Variants in MAP4K3 observed in about 807,000 individuals in gnomAD.
MAP4K3 encodes MAPK/ERK kinase kinase kinase 3.
MAP4K3 carries 94 observed loss-of-function variants against 143.5 expected under a neutral mutation model. That is an observed-to-expected ratio of 0.65 (90% CI 0.55 to 0.78). The LOEUF is 0.78. Among genes scored for constraint, MAP4K3 ranks in the 30% least tolerant of loss-of-function variants. The probability of loss-of-function intolerance (pLI) is 0.00; values close to 1 mark genes in which losing one functional copy is unlikely to be tolerated. For synonymous variants in MAP4K3, 416 were observed against 347.2 expected, an observed-to-expected ratio of 1.20 and a Z score of -2.20; for missense variants, 1,077 against 1,068.1, an observed-to-expected ratio of 1.01 and a Z score of -0.12.
chr2:39,255,641 T>C (rs1027629710), intron 31 of MAP4K3, among the ~76,000 whole-genome samples: 23 of 152,214 alleles, frequency 1.5e-4, no homozygotes, highest in Non-Finnish European at 2.8e-4. Flanking sequence ...TTGTCAACAT[T>C]TATTTTCTTA....
At position 39,415,980 on chromosome 2, in the gene MAP4K3, A is replaced by AATATATATATAT. The variant is rs1553318574; in HGVS notation, c.96+20900_96+20911dup. 8.1e-3 allele frequency among the ~76,000 whole-genome samples: 120 copies of AATATATATATAT among 14,736 alleles called. 2 individuals carry two copies. Among genetic ancestry groups the AATATATATATAT allele is most frequent in the East Asian group, 0.026 (10 of 392 alleles). The allele number at this position is 14,736 out of a possible 152,430, so 9.7% of individuals were successfully genotyped here. On this transcript the variant is annotated intron_variant, in intron 1 of 33. Coordinates refer to ENST00000263881, the MANE Select transcript of MAP4K3 (RefSeq NM_003618.4). ...AAAAAAAAAAAAAAAAAAAAAAAAAAATATATATATATATATATATATATA... is the reference window on the plus strand; with the variant it reads ...AAAAAAAAAAAAAAAAAAAAAAAAAAATATATATATATATATATATATATATATATATATATA...
chr2:39,414,535 T>C (rs534025592), intron 1 of MAP4K3, among the ~76,000 whole-genome samples: 8 of 152,286 alleles, frequency 5.3e-5, no homozygotes, highest in African/African-American at 1.7e-4. Flanking sequence ...TGCAGATCTC[T>C]TTCTTCTACT....
chr2:39,369,259 G>C (rs1032886302), intron 2 of MAP4K3, among the ~76,000 whole-genome samples: 5 of 127,334 alleles, frequency 3.9e-5, no homozygotes, highest in Admixed American at 2.0e-4. Context: ...GCAGTGGTGT[G>C]ATCTTGGCTC....
At chr2:39,340,746 G>A (rs1008932013) in intron 4 of MAP4K3, among the ~76,000 whole-genome samples, 8 of 151,738 alleles carry the variant, frequency 5.3e-5, no homozygotes, top group African/African-American at 1.7e-4. Context: ...AAGACACAAA[G>A]GAAAAAATAA....
At chr2:39,395,645 T>TC (rs1480984332) in intron 1 of MAP4K3, among the ~76,000 whole-genome samples, 1 of 152,194 alleles carries the variant, frequency 6.6e-6, no homozygotes, top group Non-Finnish European at 1.5e-5. Flanking sequence ...ATTTATCCAT[T>TC]ACCATTTACT....
intron 3 of MAP4K3, 114 bp from the exon 4 acceptor site, chr2:39,343,566 G>C: frequency 1.4e-6 from 1 of 714,060 alleles, no homozygotes; most frequent in Non-Finnish European, 2.4e-6. Flanking sequence ...AATGCAATGT[G>C]TTATCTTTAA....
chr2:39,377,489 A>G (rs566684296), intron 2 of MAP4K3, among the ~76,000 whole-genome samples: 2 of 152,258 alleles, frequency 1.3e-5, no homozygotes, highest in East Asian at 3.9e-4. Context: ...TGAGGGAAGT[A>G]GGAGGAATTC....
intron 20 of MAP4K3, among the ~76,000 whole-genome samples, chr2:39,287,712 T>C (rs927486458): frequency 6.6e-6 from 1 of 152,168 alleles, no homozygotes; most frequent in Non-Finnish European, 1.5e-5. Flanking sequence ...TAGCAAATAA[T>C]ACCAATTATT....
intron 22 of MAP4K3, 71 bp downstream of exon 22, chr2:39,282,442 A>G (rs1681578516): frequency 1.6e-6 from 2 of 1,265,928 alleles, no homozygotes; most frequent in Admixed American, 2.0e-5. Flanking sequence ...ACAGACAAAA[A>G]AACCTAAGCA....
At chr2:39,278,760 T>G (rs1197091812) in intron 23 of MAP4K3, among the ~76,000 whole-genome samples, 1 of 152,172 alleles carries the variant, frequency 6.6e-6, no homozygotes, top group Non-Finnish European at 1.5e-5. Flanking sequence ...TGCTAAGAAC[T>G]GGCAAAGGAT....
At chr2:39,375,908 A>G (rs951772769) in intron 2 of MAP4K3, among the ~76,000 whole-genome samples, 7 of 152,208 alleles carry the variant, frequency 4.6e-5, no homozygotes, top group African/African-American at 1.7e-4. Context: ...GCATGCTATC[A>G]GCAACTTGTT....
At chr2:39,420,077 G>C (rs1456873073) in intron 1 of MAP4K3, among the ~76,000 whole-genome samples, 2 of 152,144 alleles carry the variant, frequency 1.3e-5, no homozygotes, top group African/African-American at 4.8e-5. Context: ...GAACCCCCTG[G>C]CCTAGGGTCA....
At chr2:39,351,714 G>C (rs975252540) in intron 3 of MAP4K3, among the ~76,000 whole-genome samples, 1 of 152,168 alleles carries the variant, frequency 6.6e-6, no homozygotes, top group Admixed American at 6.5e-5. Context: ...TGTCACTCAG[G>C]CTGGAGTGTA....
At chr2:39,356,185 T>C (rs746958917) in intron 3 of MAP4K3, 64 bp downstream of exon 3, 6 of 929,520 alleles carry the variant, frequency 6.5e-6, no homozygotes, top group Non-Finnish European at 1.0e-5. Context: ...ACTAACTTTA[T>C]TTTGTTTAAT....
Position 39,272,296 on chromosome 2 carries a change from T to C in MAP4K3, c.1960A>G (p.Arg654Gly). The C allele has an allele frequency of 6.2e-7, 1 of 1,611,294 alleles. No homozygotes were observed. Among genetic ancestry groups the C allele is most frequent in the Non-Finnish European group, 8.5e-7 (1 of 1,177,504 alleles). ...VAIPAHKLPD[R>G]ILPRKFSVSA... Reference sequence around the variant, plus strand: ...ATGTACCCTTACCTTGGCAGTATTCTGTCAGGGAGTTTGTGTGCTGGAATA... The same window carrying C: ...ATGTACCCTTACCTTGGCAGTATTCCGTCAGGGAGTTTGTGTGCTGGAATA... Residue 654 changes from arginine to glycine, a missense_variant, in exon 26 of 34, where the codon AGA becomes GGA. Around this residue, in one of 2 missense-constraint regions of MAP4K3, gnomAD observed 864 missense variants for 801.2 expected, o/e 1.08. Transcript: ENST00000263881.
chr2:39,374,751 G>C (rs1666173715), intron 2 of MAP4K3, among the ~76,000 whole-genome samples: 1 of 152,002 alleles, frequency 6.6e-6, no homozygotes, highest in South Asian at 2.1e-4. Flanking sequence ...AAGATGAGAA[G>C]CAACAGTCAG....
intron 22 of MAP4K3, 86 bp from the exon 23 acceptor site, chr2:39,280,442 TGA>T (rs1431260017): frequency 3.0e-6 from 2 of 673,840 alleles, no homozygotes; most frequent in Non-Finnish European, 5.0e-6. Flanking sequence ...TATTTTAATG[TGA>T]GAGTCTATAG....
intron 3 of MAP4K3, among the ~76,000 whole-genome samples, chr2:39,354,567 G>A (rs1369548793): frequency 6.6e-6 from 1 of 151,800 alleles, no homozygotes; most frequent in Non-Finnish European, 1.5e-5. Flanking sequence ...GCAGTGAGCC[G>A]ATATCACGCC....
chr2:39,303,010 A>G (rs1682566257), intron 15 of MAP4K3: 2 of 167,054 alleles, frequency 1.2e-5, no homozygotes, highest in African/African-American at 4.8e-5. Flanking sequence ...AAGGAAAAGC[A>G]TATGACCAAA....
Sources: allele counts gnomAD v4.1 joint callset (sites outside exome capture counted in the v4.1 genomes callset), GRCh38; gene constraint gnomAD v4.1.1; regional missense constraint gnomAD v4.1.1; transcripts MANE v1.5; gene names NCBI Gene and HGNC (gene_info 2026-07-23, HGNC 2026-07-21).